The following TRHDE variants were observed in gnomAD, a reference collection of about 807,000 sequenced individuals.
The protein encoded by TRHDE is thyrotropin-releasing hormone-degrading ectoenzyme.
TRHDE carries 72 observed loss-of-function variants against 125.7 expected under a neutral mutation model. The observed-to-expected ratio is 0.57, with a 90% CI of 0.47 to 0.70. TRHDE has a LOEUF of 0.70. TRHDE is among the 30% of genes least tolerant of loss of function. The pLI is 0.00. For missense variants in TRHDE, 1,110 were observed against 1,327.1 expected, an observed-to-expected ratio of 0.84 and a Z score of 2.54; for synonymous variants, 509 against 509.1, an observed-to-expected ratio of 1.00 and a Z score of 0.00.
At chr12:72,508,358 AG>A (rs1183906614) in intron 6 of TRHDE, among the ~76,000 whole-genome samples, 2 of 152,230 alleles carry the variant, frequency 1.3e-5, no homozygotes, top group African/African-American at 4.8e-5. Context: ...CTACAGGGGC[AG>A]AGCTGCCTAA....
At chr12:72,092,754 G>T (rs1296392134) in intron 1 of TRHDE, among the ~76,000 whole-genome samples, 1 of 152,216 alleles carries the variant, frequency 6.6e-6, no homozygotes, top group South Asian at 2.1e-4. Flanking sequence ...CTAAGAATGG[G>T]AGAGGAGCTT....
chr12:72,230,472 A>G (rs1283016791), intron 2 of TRHDE, among the ~76,000 whole-genome samples: 3 of 152,318 alleles, frequency 2.0e-5, no homozygotes, highest in African/African-American at 7.2e-5. Context: ...TAGTCAATTT[A>G]GAATATGGAA....
chr12:72,166,908 G>GTC (rs1876763470), intron 2 of TRHDE, among the ~76,000 whole-genome samples: 3 of 10,214 alleles, frequency 2.9e-4, no homozygotes, highest in African/African-American at 7.5e-4. Flanking sequence ...GTAGATGAAC[G>GTC]TGTGTGTGTG....
intron 2 of TRHDE, among the ~76,000 whole-genome samples, chr12:72,310,961 C>A (rs1395899455): frequency 6.6e-6 from 1 of 151,982 alleles, no homozygotes; most frequent in Non-Finnish European, 1.5e-5. Context: ...GTCACTCTGG[C>A]CCCTCTACTT....
intron 2 of TRHDE, among the ~76,000 whole-genome samples, chr12:72,322,853 A>T (rs951617196): frequency 6.6e-6 from 1 of 152,242 alleles, no homozygotes; most frequent in South Asian, 2.1e-4. Context: ...TGTATCAGTT[A>T]ACAGTGGATA....
chr12:72,546,154 A>T (rs147012168), intron 7 of TRHDE, among the ~76,000 whole-genome samples: 1 of 151,706 alleles, frequency 6.6e-6, no homozygotes, highest in Non-Finnish European at 1.5e-5. Flanking sequence ...CTCACATAAA[A>T]GATCTAATAA....
intron 3 of TRHDE, among the ~76,000 whole-genome samples, chr12:72,460,533 T>G (rs1215371540): frequency 6.6e-6 from 1 of 152,172 alleles, no homozygotes; most frequent in Non-Finnish European, 1.5e-5. Context: ...CCAGCCTAAA[T>G]CAGTCTGGCC....
At chr12:72,349,172 C>A (rs1870468752) in intron 2 of TRHDE, among the ~76,000 whole-genome samples, 1 of 152,066 alleles carries the variant, frequency 6.6e-6, no homozygotes, top group Non-Finnish European at 1.5e-5. Context: ...GCATGCATTT[C>A]TGCCATTTTT....
chr12:72,592,984 A>T (rs2367747), intron 12 of TRHDE, among the ~76,000 whole-genome samples: 60,369 of 151,898 alleles, frequency 0.4, 14,374 homozygotes, highest in African/African-American at 0.66. Context: ...AAGTGCTGGG[A>T]TTACAGGCGT....
chr12:72,588,162 TAGTA>T (rs1277926704), intron 12 of TRHDE, among the ~76,000 whole-genome samples: 1 of 152,232 alleles, frequency 6.6e-6, no homozygotes, highest in Non-Finnish European at 1.5e-5. Context: ...TGATGCTTGT[TAGTA>T]AGAATAATTA....
intron 2 of TRHDE, among the ~76,000 whole-genome samples, chr12:72,376,022 T>C (rs912757845): frequency 6.6e-6 from 1 of 152,102 alleles, no homozygotes; most frequent in Admixed American, 6.5e-5. Flanking sequence ...AAGGACTATC[T>C]CTGGGCAGTG....
chr12:72,206,319 C>G (rs1049576576), intron 2 of TRHDE, among the ~76,000 whole-genome samples: 3 of 152,090 alleles, frequency 2.0e-5, no homozygotes, highest in Non-Finnish European at 1.5e-5. Flanking sequence ...TATTGAACTC[C>G]TGACCTCAGG....
intron 2 of TRHDE, among the ~76,000 whole-genome samples, chr12:72,355,571 T>C (rs567107022): frequency 1.3e-5 from 2 of 151,540 alleles, no homozygotes; most frequent in African/African-American, 4.8e-5. Context: ...TAATTAAACT[T>C]AAGAGCTTCT....
intron 2 of TRHDE, among the ~76,000 whole-genome samples, chr12:72,321,338 T>C (rs1457195934): frequency 6.6e-6 from 1 of 152,166 alleles, no homozygotes; most frequent in Non-Finnish European, 1.5e-5. Context: ...CAGATAATTT[T>C]TCTCCAAATA....
chr12:72,178,637 T>A lies in TRHDE; in HGVS notation n.279+72885T>A, dbSNP rs78991516. 6.8e-4 allele frequency among the ~76,000 whole-genome samples: 104 copies of A among 151,936 alleles called. 1 individual carries two copies. In the East Asian group the frequency reaches 0.016, roughly 24 times the overall value. Reference sequence around the variant, plus strand: ...GAGGTAGTTATCATGCTGAGTGGAGTAGTTCCAGAATGGCTAATGAGAAAT... The same window carrying A: ...GAGGTAGTTATCATGCTGAGTGGAGAAGTTCCAGAATGGCTAATGAGAAAT... On this transcript the variant is annotated intron_variant and non_coding_transcript_variant, in intron 2 of 4. Coordinates refer to the TRHDE transcript ENST00000548156.
intron 6 of TRHDE, among the ~76,000 whole-genome samples, chr12:72,516,002 T>A (rs1272269284): frequency 2.0e-5 from 3 of 148,964 alleles, no homozygotes; most frequent in Non-Finnish European, 4.4e-5. Flanking sequence ...TTGATCTATA[T>A]CTCTGTTTTG....
At chr12:72,167,961 AG>A (rs1876789419) in intron 2 of TRHDE, among the ~76,000 whole-genome samples, 1 of 152,162 alleles carries the variant, frequency 6.6e-6, no homozygotes, top group South Asian at 2.1e-4. Context: ...TAGGAAAAAG[AG>A]GCTAATCCTA....
intron 3 of TRHDE, among the ~76,000 whole-genome samples, chr12:72,467,657 A>C (rs1409753282): frequency 2.6e-5 from 4 of 152,146 alleles, no homozygotes; most frequent in Non-Finnish European, 5.9e-5. Context: ...TCTACTAAAA[A>C]TACAAAAATT....
At chr12:72,608,889 C>T (rs1872543338) in intron 12 of TRHDE, among the ~76,000 whole-genome samples, 1 of 152,078 alleles carries the variant, frequency 6.6e-6, no homozygotes, top group South Asian at 2.1e-4. Flanking sequence ...GTTCAAATTC[C>T]AGCTCTACCC....
Sources: allele counts gnomAD v4.1 joint callset (sites outside exome capture counted in the v4.1 genomes callset), GRCh38; gene constraint gnomAD v4.1.1; transcripts MANE v1.5; gene names NCBI Gene and HGNC (gene_info 2026-07-23, HGNC 2026-07-21).